Variants in IQGAP3 observed in about 807,000 individuals in gnomAD.
IQGAP3 encodes the protein ras GTPase-activating-like protein IQGAP3.
In IQGAP3, 165 loss-of-function variants were observed where a neutral mutation model predicts 208.2. The ratio of observed to expected loss-of-function variants is 0.79; its 90% CI spans 0.70 to 0.90. IQGAP3 has a LOEUF of 0.90. Ranked by LOEUF, IQGAP3 falls within the 40% of genes least tolerant of loss-of-function variation. The pLI, the probability that IQGAP3 is intolerant of heterozygous loss-of-function variation, is 0.00. For missense variants in IQGAP3, 1,811 were observed against 2,043.1 expected, an observed-to-expected ratio of 0.89 and a Z score of 2.19; for synonymous variants, 703 against 803.6, an observed-to-expected ratio of 0.87 and a Z score of 2.12.
intron 12 of IQGAP3, among the ~76,000 whole-genome samples, chr1:156,555,569 C>T (rs1339432514): frequency 6.6e-6 from 1 of 152,138 alleles, no homozygotes; most frequent in East Asian, 1.9e-4. Context: ...ATATCAACAA[C>T]AATAATATTA....
At position 156,528,613 on chromosome 1, in the gene IQGAP3, G is replaced by A; in HGVS notation, c.4572-3C>T. The A allele has an allele frequency of 6.2e-7, 1 of 1,606,506 alleles. No individual in the cohort carries two copies. Among genetic ancestry groups the A allele is most frequent in the Non-Finnish European group, 8.5e-7 (1 of 1,173,954 alleles). ...GCTTCTTCCCCTTCCCAGAACTCCT[G>A]ATTAAAAGAAGGCCCCAGAGAATTC... On this transcript the variant is annotated splice_polypyrimidine_tract_variant and splice_region_variant and intron_variant, in intron 35 of 37. Coordinates refer to ENST00000361170, the MANE Select transcript of IQGAP3 (RefSeq NM_178229.5).
Position 156,556,704 on chromosome 1 carries a change from G to A in IQGAP3, c.1130-11C>T. On this transcript the variant is annotated splice_polypyrimidine_tract_variant and intron_variant, in intron 11 of 37. Coordinates refer to ENST00000361170, the MANE Select transcript of IQGAP3 (RefSeq NM_178229.5). ...GCACAGCGTGGAGCACTGCAAGGCA[G>A]GAGAGCAACAGGTTGTACTGGCCGG... 2 of 1,536,210 alleles carry A rather than the reference G, an allele frequency of 1.3e-6. No homozygotes were observed. Among genetic ancestry groups the A allele is most frequent in the Non-Finnish European group, 1.8e-6 (2 of 1,135,634 alleles).
At chr1:156,534,787 C>T (rs745596) in intron 28 of IQGAP3, 54 bp from the exon 29 acceptor site, 103,813 of 1,300,430 alleles carry the variant, frequency 0.08, 4,566 homozygotes, top group African/African-American at 0.14. Context: ...TTGACTGGTG[C>T]GGCCCCACAT....
In IQGAP3 at chr1:156,548,361, C is replaced by T. The variant is rs372828046; in HGVS notation, c.2120G>A (p.Arg707Gln). The T allele has an allele frequency of 3.6e-5, 58 of 1,613,620 alleles. No individual in the cohort carries two copies. The highest frequency in any genetic ancestry group is 3.2e-4 in the South Asian group (29 of 91,020). ...GGCTCTGCCAACCTGGATCTCCTCC[C>T]GGGTCAGGTGAGAGGTGTTGAGGGG... is the stretch of plus-strand genomic sequence containing the variant. ...GCPLNTSHLT[R>Q]EEIQSAVTKV... The change falls in exon 18 of 38, where the codon CGG becomes CAG. Residue 707 changes from arginine to glutamine, a missense_variant. Coordinates refer to ENST00000361170, the MANE Select transcript of IQGAP3 (RefSeq NM_178229.5).
Position 156,569,360 on chromosome 1 carries a change from C to G in IQGAP3, c.125+16G>C, listed in dbSNP as rs908710901. The G allele has an allele frequency of 6.4e-7, 1 of 1,569,314 alleles. No individual in the cohort carries two copies. Among genetic ancestry groups the G allele is most frequent in the Non-Finnish European group, 8.8e-7 (1 of 1,141,484 alleles). ...AGGGAGAGCAGAAAGAGTCCATCTT[C>G]CTGGACTCCGCTCACCGCTTGGCCT... On this transcript the variant is annotated intron_variant, in intron 2 of 37. Coordinates refer to ENST00000361170, the MANE Select transcript of IQGAP3 (RefSeq NM_178229.5).
chr1:156,553,228 C>T (rs1675645841), intron 13 of IQGAP3, among the ~76,000 whole-genome samples: 1 of 152,138 alleles, frequency 6.6e-6, no homozygotes, highest in African/African-American at 2.4e-5. Flanking sequence ...CGGCTCAAAA[C>T]CCTCCCGTGG....
chr1:156,533,915 C>G (rs1263190160), intron 30 of IQGAP3, 40 bp from the exon 31 acceptor site: 1 of 1,603,234 alleles, frequency 6.2e-7, no homozygotes, highest in African/African-American at 1.3e-5. Flanking sequence ...AGGGTCTGAG[C>G]CAGGTCTTCC....
rs764208719 is a variant in IQGAP3 at position 156,556,679 on chromosome 1, G to C, written c.1144C>G (p.Gln382Glu). ...DQEQAMLHAV[Q>E]RINKAIRRRV... ...CTCCGGATGGCTTTGTTGATCCGCT[G>C]CACAGCGTGGAGCACTGCAAGGCAG... The change falls in exon 12 of 38, where the codon CAG becomes GAG. Residue 382 changes from glutamine to glutamate, a missense_variant. Transcript: ENST00000361170. 1 of 1,590,944 alleles carries C rather than the reference G, an allele frequency of 6.3e-7. No individual in the cohort carries two copies. The highest frequency in any genetic ancestry group is 8.6e-7 in the Non-Finnish European group (1 of 1,166,226).
Position 156,526,493 on chromosome 1 carries a change from C to G in IQGAP3, c.4889G>C (p.Arg1630Pro). The G allele has an allele frequency of 6.2e-7, 1 of 1,611,974 alleles. No homozygotes were observed. The highest frequency in any genetic ancestry group is 8.5e-7 in the Non-Finnish European group (1 of 1,178,032). ...LIFLLNKKFL[R>P]K ...TAGCACCCTTTGCCTCTGTCACTTC[C>G]GCAAAAACTTCTTGTTGAGGAGGAA... The change falls in exon 38 of 38, where the codon CGG becomes CCG. Residue 1630 changes from arginine to proline, a missense_variant. Transcript: ENST00000361170.
chr1:156,538,947 C>T lies in IQGAP3; in HGVS notation c.3143G>A (p.Gly1048Glu). 1.9e-6 allele frequency: 3 copies of T among 1,614,142 alleles called. No individual in the cohort carries two copies. The highest frequency in any genetic ancestry group is 1.7e-6 in the Non-Finnish European group (2 of 1,180,016). ...LVVRFYRNGR[G>E]QSALQEILGK... is the part of the protein sequence containing the mutation. ...CAGAATCTCCTGCAGGGCACTCTGTCCCCGCCCATTACGGTAGAATCTCAC... is the reference window on the plus strand; with the variant it reads ...CAGAATCTCCTGCAGGGCACTCTGTTCCCGCCCATTACGGTAGAATCTCAC... The change falls in exon 26 of 38, where the codon GGA (glycine) becomes GAA (glutamate). Residue 1048 changes from glycine (G) to glutamate (E), a missense_variant. Transcript: ENST00000361170.
At chr1:156,539,080 G>A in intron 25 of IQGAP3, 47 bp from the exon 26 acceptor site, 1 of 1,523,630 alleles carries the variant, frequency 6.6e-7, no homozygotes, top group South Asian at 1.2e-5. Context: ...CTCTGTGTAG[G>A]ACATACCGTT....
Position 156,534,013 on chromosome 1 carries a change from T to G in IQGAP3, c.3869A>C (p.His1290Pro), listed in dbSNP as rs1486784643. 1 of 1,613,698 alleles carries G rather than the reference T, an allele frequency of 6.2e-7. No individual in the cohort carries two copies. The change falls in exon 30 of 38, where the codon CAC becomes CCC. Residue 1290 changes from histidine (H) to proline (P), a missense_variant. Coordinates refer to ENST00000361170, the MANE Select transcript of IQGAP3 (RefSeq NM_178229.5). ...CTCCAGATCTCAGCCCCTCACCCTG[T>G]GCGTGTTGACCAGCTCCCCCACGGT... ...YITVGELVNT[H>P]RLLLEHQDCI...
intron 10 of IQGAP3, 75 bp downstream of exon 10, chr1:156,561,763 T>C (rs1676158638): frequency 7.0e-7 from 1 of 1,427,054 alleles, no homozygotes; most frequent in African/African-American, 1.4e-5. Flanking sequence ...CCAACAGTGG[T>C]GATCTTTGAG....
chr1:156,565,427 G>T (rs1306081654), intron 4 of IQGAP3, among the ~76,000 whole-genome samples: 2 of 152,164 alleles, frequency 1.3e-5, no homozygotes, highest in African/African-American at 2.4e-5. Flanking sequence ...GTCTTATAGT[G>T]CCTTTCTACA....
intron 1 of IQGAP3, among the ~76,000 whole-genome samples, chr1:156,569,928 C>T (rs1164254754): frequency 6.6e-6 from 1 of 152,304 alleles, no homozygotes; most frequent in African/African-American, 2.4e-5. Flanking sequence ...TAGGCAGCCT[C>T]CTCCTGTGCT....
rs1273090269 is a variant in IQGAP3, at chr1:156,548,065, C to T, written c.2304+8G>A. 3 of 1,610,776 alleles carry T rather than the reference C, an allele frequency of 1.9e-6. No homozygotes were observed. Among genetic ancestry groups the T allele is most frequent in the East Asian group, 2.2e-5 (1 of 44,768 alleles). ...GCCCTGAAGACTGAGAAAGCCAGAGCCTGCCACCTGGATCTTGATGACTGC... is the reference window on the plus strand; with the variant it reads ...GCCCTGAAGACTGAGAAAGCCAGAGTCTGCCACCTGGATCTTGATGACTGC... On this transcript the variant is annotated splice_region_variant and intron_variant, in intron 19 of 37. Coordinates refer to ENST00000361170, the MANE Select transcript of IQGAP3 (RefSeq NM_178229.5).
At chr1:156,563,050 C>T (rs1314633698) in intron 8 of IQGAP3, 84 bp downstream of exon 8, 5 of 1,201,910 alleles carry the variant, frequency 4.2e-6, no homozygotes, top group African/African-American at 1.5e-5. Context: ...ATACTAGAGA[C>T]ATGACAGATA....
In IQGAP3 at chr1:156,548,756, G is replaced by A; in HGVS notation, c.1826-8C>T. On this transcript the variant is annotated splice_polypyrimidine_tract_variant and splice_region_variant and intron_variant, in intron 16 of 37. Transcript: ENST00000361170. ...CAGCCACACCAAGAGCCACTGACAG[G>A]GGCATCAGGAGAGAGCAGTCAATCC... is the stretch of plus-strand genomic sequence containing the variant. 1 of 1,561,224 alleles carries A rather than the reference G, an allele frequency of 6.4e-7. No homozygotes were observed.
chr1:156,566,403 T>C lies in IQGAP3; in HGVS notation c.269A>G (p.Gln90Arg), dbSNP rs755289258. 1 of 1,614,192 alleles carries C rather than the reference T, an allele frequency of 6.2e-7. No individual in the cohort carries two copies. Among genetic ancestry groups the C allele is most frequent in the South Asian group, 1.1e-5 (1 of 91,080 alleles). The change falls in exon 3 of 38, where the codon CAG (glutamine) becomes CGG (arginine). Residue 90 changes from glutamine (Q) to arginine (R), a missense_variant. By Grantham distance (43) the Gln-to-Arg change is conservative (BLOSUM62 1). Coordinates refer to ENST00000361170, the MANE Select transcript of IQGAP3 (RefSeq NM_178229.5). Reference protein sequence around the residue: ...VPLKKIYDVEQLRYQATGLHF... With the variant: ...VPLKKIYDVERLRYQATGLHF... The stretch of plus-strand genomic sequence containing the variant: ...CAATCCTCCCACCTGGTACCGCAGC[T>C]GCTCCACATCGTAGATCTTCTTCAA...
Sources: allele counts gnomAD v4.1 joint callset (sites outside exome capture counted in the v4.1 genomes callset), GRCh38; gene constraint gnomAD v4.1.1; transcripts MANE v1.5; gene names NCBI Gene and HGNC (gene_info 2026-07-23, HGNC 2026-07-21).